Variants in PCDH17 observed in about 807,000 individuals in gnomAD.
PCDH17 encodes the protein protocadherin-17.
Under a neutral mutation model 67.7 loss-of-function variants are expected in PCDH17, and 21 were observed. The observed-to-expected ratio is 0.31, with a 90% CI of 0.22 to 0.45. The LOEUF (loss-of-function observed/expected upper bound fraction) is 0.45. Ranked by LOEUF, PCDH17 falls within the 20% of genes least tolerant of loss-of-function variation. The pLI, the probability that PCDH17 is intolerant of heterozygous loss-of-function variation, is 1.00. For synonymous variants in PCDH17, 701 were observed against 656.7 expected, an observed-to-expected ratio of 1.07 and a Z score of -1.03; for missense variants, 1,471 against 1,564.8, an observed-to-expected ratio of 0.94 and a Z score of 1.01.
At chr13:57,660,017 GA>G (rs1955163384) in intron 1 of PCDH17, among the ~76,000 whole-genome samples, 1 of 152,048 alleles carries the variant, frequency 6.6e-6, no homozygotes, top group Non-Finnish European at 1.5e-5. Flanking sequence ...TGGATCCTTT[GA>G]GCTCATGAGT....
intron 3 of PCDH17, among the ~76,000 whole-genome samples, chr13:57,723,991 G>A (rs1955892261): frequency 2.0e-5 from 3 of 151,972 alleles, no homozygotes; most frequent in Non-Finnish European, 2.9e-5. Flanking sequence ...TGATCCATAC[G>A]CCTATCTAAT....
At chr13:57,692,504 AT>A (rs576013036) in intron 3 of PCDH17, among the ~76,000 whole-genome samples, 2 of 151,314 alleles carry the variant, frequency 1.3e-5, no homozygotes, top group South Asian at 4.1e-4. Context: ...ATTCAGCTAC[AT>A]TTCTAGTAAT....
intron 3 of PCDH17, among the ~76,000 whole-genome samples, chr13:57,717,683 C>T (rs1410702226): frequency 6.6e-6 from 1 of 152,024 alleles, no homozygotes; most frequent in Non-Finnish European, 1.5e-5. Flanking sequence ...AGGATTGGTA[C>T]TTCAAAGCTG....
At position 57,725,438 on chromosome 13, in the gene PCDH17, CA is replaced by C; in HGVS notation, c.*146del. The C allele has an allele frequency of 1.5e-6, 1 of 661,014 alleles. No homozygotes were observed. The highest frequency in any genetic ancestry group is 2.5e-6 in the Non-Finnish European group (1 of 399,056). The allele number at this position is 661,014 out of a possible 1,614,324, so 40.9% of individuals were successfully genotyped here. A position where few individuals can be genotyped will look rare whatever the true frequency, so the allele number is the denominator to read the frequency against. On this transcript the variant is annotated 3_prime_UTR_variant, in exon 4 of 4. Coordinates refer to ENST00000377918, the MANE Select transcript of PCDH17 (RefSeq NM_001040429.3). ...TTTTAGTGAACATCTGAAGTGCCCA[CA>C]AGTATGTTCTTTCCACTGCTGATTT...
In PCDH17 at chr13:57,724,775, C is replaced by T. The variant is rs138830034; in HGVS notation, c.2961C>T (p.Tyr987=). The T allele has an allele frequency of 7.3e-4, 1,179 of 1,614,098 alleles. 5 individuals are homozygous for T. The highest frequency in any genetic ancestry group is 2.3e-3 in the South Asian group (213 of 91,088). The change falls in exon 4 of 4, where the codon TAC becomes TAT. Residue 987 remains tyrosine (Y), a synonymous_variant. Transcript: ENST00000377918. ...TVEANVETET[Y]ETVNPTGKKT... is the part of the protein sequence containing the mutation. ...AAGCTAATGTTGAGACTGAGACTTA[C>T]GAAACTGTGAATCCCACTGGGAAAA...
chr13:57,646,464 AC>A (rs1277212961), intron 1 of PCDH17, among the ~76,000 whole-genome samples: 4 of 151,602 alleles, frequency 2.6e-5, no homozygotes, highest in Non-Finnish European at 5.9e-5. Context: ...ATTATTTAGT[AC>A]TTTTAAGCTA....
At chr13:57,715,557 A>G (rs1357955889) in intron 3 of PCDH17, among the ~76,000 whole-genome samples, 3 of 151,914 alleles carry the variant, frequency 2.0e-5, no homozygotes, top group Non-Finnish European at 4.4e-5. Flanking sequence ...TTGCTACATT[A>G]TCTTCATACA....
chr13:57,648,255 G>C (rs1459056222), intron 1 of PCDH17, among the ~76,000 whole-genome samples: 1 of 151,674 alleles, frequency 6.6e-6, no homozygotes, highest in Non-Finnish European at 1.5e-5. Flanking sequence ...CTTTTTAGTT[G>C]GTTAATTGTA....
intron 1 of PCDH17, among the ~76,000 whole-genome samples, chr13:57,652,611 G>A (rs1391295568): frequency 1.3e-5 from 2 of 152,190 alleles, no homozygotes; most frequent in East Asian, 3.9e-4. Flanking sequence ...ATGAAGAGAA[G>A]TTTCTACAAA....
Position 57,633,388 on chromosome 13 carries a change from C to A in PCDH17, c.842C>A (p.Ser281Tyr), listed in dbSNP as rs1172467160. 6.2e-7 allele frequency: 1 copy of A among 1,613,352 alleles called. No individual in the cohort carries two copies. Among genetic ancestry groups the A allele is most frequent in the Admixed American group, 1.7e-5 (1 of 60,022 alleles). ...GGTCCCAATGGTGAAGTGCTCTACTCTTTCAGCAGCTACGTGCCTGACCGC... is the reference window on the plus strand; with the variant it reads ...GGTCCCAATGGTGAAGTGCTCTACTATTTCAGCAGCTACGTGCCTGACCGC... ...DEGPNGEVLY[S>Y]FSSYVPDRVR... The change falls in exon 1 of 4, where the codon TCT becomes TAT. Residue 281 changes from serine (S) to tyrosine (Y), a missense_variant. Physicochemically the swap from Ser to Tyr is moderately radical, Grantham distance 144. Coordinates refer to ENST00000377918, the MANE Select transcript of PCDH17 (RefSeq NM_001040429.3). This position sits in a 1 kb window ranked among gnomAD's most constrained non-coding sequence, Gnocchi z 6.2.
chr13:57,688,749 A>G (rs964186993), intron 3 of PCDH17, among the ~76,000 whole-genome samples: 25 of 152,068 alleles, frequency 1.6e-4, no homozygotes, highest in African/African-American at 5.8e-4. Context: ...CAGTAATAAT[A>G]CCAGCTGCAG....
intron 3 of PCDH17, among the ~76,000 whole-genome samples, chr13:57,693,590 A>T (rs1183741971): frequency 1.3e-5 from 2 of 150,186 alleles, no homozygotes; most frequent in African/African-American, 4.9e-5. Flanking sequence ...AATCGTTTGG[A>T]TCTTATTATT....
At chr13:57,661,541 A>G (rs1156971517) in intron 1 of PCDH17, among the ~76,000 whole-genome samples, 1 of 152,178 alleles carries the variant, frequency 6.6e-6, no homozygotes, top group African/African-American at 2.4e-5. Context: ...CCCTTTCACA[A>G]AGATTTTCTG....
intron 1 of PCDH17, among the ~76,000 whole-genome samples, chr13:57,644,720 G>A (rs1471129423): frequency 6.6e-6 from 1 of 151,554 alleles, no homozygotes; most frequent in Non-Finnish European, 1.5e-5. Context: ...TAAAGGTTAT[G>A]TCAGTTTTTC....
intron 3 of PCDH17, among the ~76,000 whole-genome samples, chr13:57,680,622 C>T (rs569251540): frequency 1.3e-5 from 2 of 151,440 alleles, no homozygotes; most frequent in African/African-American, 4.8e-5. Context: ...TACATGTGCA[C>T]CTGAGGAGGG....
intron 3 of PCDH17, among the ~76,000 whole-genome samples, chr13:57,699,242 A>T (rs545708786): frequency 3.3e-5 from 5 of 151,988 alleles, no homozygotes; most frequent in Non-Finnish European, 7.4e-5. Flanking sequence ...GTGTTTTTAA[A>T]GTGTGTATGT....
intron 3 of PCDH17, among the ~76,000 whole-genome samples, chr13:57,698,891 A>G (rs1955636671): frequency 6.6e-6 from 1 of 152,020 alleles, no homozygotes; most frequent in Non-Finnish European, 1.5e-5. Flanking sequence ...AGAATAAAAT[A>G]TTAGCTATTT....
chr13:57,632,883 A>C lies in PCDH17; in HGVS notation c.337A>C (p.Lys113Gln), dbSNP rs1213106978. Residue 113 changes from lysine to glutamine, a missense_variant, in exon 1 of 4, where the codon AAG (lysine) becomes CAG (glutamine). Coordinates refer to ENST00000377918, the MANE Select transcript of PCDH17 (RefSeq NM_001040429.3). The stretch of plus-strand genomic sequence containing the variant: ...GTCCCTCGAGGTGTTCGCCAACGAC[A>C]AGGAGATCTGCATGATCAAGGTAGA... ...QLSLEVFAND[K>Q]EICMIKVEIQ... The C allele has an allele frequency of 2.5e-6, 4 of 1,613,892 alleles. No homozygotes were observed. In the Admixed American group the frequency reaches 5.0e-5, roughly 20 times the overall value.
chr13:57,681,140 T>C (rs1955445976), intron 3 of PCDH17, among the ~76,000 whole-genome samples: 1 of 151,730 alleles, frequency 6.6e-6, no homozygotes, highest in Non-Finnish European at 1.5e-5. Flanking sequence ...GGTAACTCGC[T>C]CATTTTGATG....
Sources: gnomAD v4.1 joint callset for allele counts (sites outside exome capture counted in the v4.1 genomes callset) on GRCh38, gnomAD v4.1.1 for gene constraint, Gnocchi (gnomAD v3.1) non-coding constraint, MANE v1.5 for transcripts, NCBI Gene and HGNC (gene_info 2026-07-23, HGNC 2026-07-21) for gene names.